PTPRM: variants seen among roughly 807,000 people sequenced by gnomAD.
The protein encoded by PTPRM is receptor-type tyrosine-protein phosphatase mu.
PTPRM carries 47 observed loss-of-function variants against 186.7 expected under a neutral mutation model. The observed-to-expected ratio is 0.25, with a 90% confidence interval of 0.20 to 0.32. The LOEUF is 0.32. Among genes scored for constraint, PTPRM ranks in the 10% least tolerant of loss-of-function variants. PTPRM has a pLI of 1.00. For missense variants in PTPRM, 1,494 were observed against 1,865.0 expected, an observed-to-expected ratio of 0.80 and a Z score of 3.66; for synonymous variants, 668 against 674.9, an observed-to-expected ratio of 0.99 and a Z score of 0.16.
intron 14 of PTPRM, among the ~76,000 whole-genome samples, chr18:8,174,696 TA>T (rs980129824): frequency 1.3e-5 from 2 of 152,050 alleles, no homozygotes; most frequent in African/African-American, 2.4e-5. Context: ...ATACTTTTTT[TA>T]AAAAAAATCT....
At chr18:8,139,790 C>G (rs1428711925) in intron 13 of PTPRM, among the ~76,000 whole-genome samples, 1 of 152,120 alleles carries the variant, frequency 6.6e-6, no homozygotes, top group Admixed American at 6.5e-5. Context: ...TGCCTTCACC[C>G]CCCAGCCCAC....
intron 1 of PTPRM, among the ~76,000 whole-genome samples, chr18:7,575,401 C>G (rs1285577418): frequency 6.6e-6 from 1 of 152,180 alleles, no homozygotes; most frequent in African/African-American, 2.4e-5. Flanking sequence ...CGAGAGCGGA[C>G]TTTCATCCGC....
At chr18:8,162,299 C>T (rs189742033) in intron 14 of PTPRM, among the ~76,000 whole-genome samples, 2 of 152,310 alleles carry the variant, frequency 1.3e-5, no homozygotes, top group Non-Finnish European at 2.9e-5. Flanking sequence ...CAGGGTTTCA[C>T]CATGTTAGCC....
intron 7 of PTPRM, among the ~76,000 whole-genome samples, chr18:7,997,639 G>A (rs1310073592): frequency 6.6e-6 from 1 of 152,012 alleles, no homozygotes; most frequent in Non-Finnish European, 1.5e-5. Flanking sequence ...GGATAAGTAG[G>A]GATTAATAGC....
intron 29 of PTPRM, among the ~76,000 whole-genome samples, chr18:8,383,417 G>C (rs912375779): frequency 6.6e-6 from 1 of 151,238 alleles, no homozygotes; most frequent in East Asian, 1.9e-4. Context: ...TTAAGGTTTC[G>C]GGGCTTTGAG....
In PTPRM at chr18:7,949,326, T is replaced by C; in HGVS notation, c.809T>C (p.Ile270Thr). The C allele has an allele frequency of 6.2e-7, 1 of 1,614,056 alleles. No homozygotes were observed. Residue 270 changes from isoleucine (I) to threonine (T), a missense_variant, in exon 6 of 33, where the codon ATA (isoleucine) becomes ACA (threonine). Physicochemically the swap from Ile to Thr is moderately conservative, Grantham distance 89. This residue lies in a region of PTPRM where 296 missense variants were observed against 345.5 expected (regional missense o/e 0.86). Transcript: ENST00000580170. ...CMIRTEGGVG[I>T]SNYAELVVKE... ...ATTCGCACTGAAGGAGGTGTTGGAA[T>C]ATCAAACTATGCAGAGTTGGTAGTT...
intron 13 of PTPRM, among the ~76,000 whole-genome samples, chr18:8,140,823 C>T (rs964626715): frequency 2.3e-4 from 35 of 151,488 alleles, no homozygotes; most frequent in African/African-American, 8.0e-4. Context: ...AAAATTTATA[C>T]GAAAAAAAGG....
At position 7,659,805 on chromosome 18, in the gene PTPRM, A is replaced by G. The variant is rs980425533; in HGVS notation, c.73+91914A>G. On this transcript the variant is annotated intron_variant, in intron 1 of 32. Coordinates refer to ENST00000580170, the MANE Select transcript of PTPRM (RefSeq NM_001105244.2). ...TGGGTTGATGGGAATCCTGGTGCCAAAAGAAATGGCCCGGTCTGTAAACTT... is the reference window on the plus strand; with the variant it reads ...TGGGTTGATGGGAATCCTGGTGCCAGAAGAAATGGCCCGGTCTGTAAACTT... Among the ~76,000 whole-genome samples the G allele has an allele frequency of 2.0e-5, 3 of 152,324 alleles. 1 individual carries two copies. The South Asian group carries it at 6.2e-4, about 32-fold the overall frequency.
At chr18:8,004,538 A>G (rs79804305) in intron 7 of PTPRM, among the ~76,000 whole-genome samples, 3,197 of 152,112 alleles carry the variant, frequency 0.021, 43 homozygotes, top group African/African-American at 0.043. Flanking sequence ...CCAAGTTAGT[A>G]TTACTTGCAG....
chr18:7,951,220 A>G (rs2052930331), intron 6 of PTPRM, among the ~76,000 whole-genome samples: 1 of 152,192 alleles, frequency 6.6e-6, no homozygotes, highest in African/African-American at 2.4e-5. Context: ...AGACATCATG[A>G]TGTACAGAAA....
intron 2 of PTPRM, among the ~76,000 whole-genome samples, chr18:7,878,326 T>G (rs2048341711): frequency 6.6e-6 from 1 of 152,246 alleles, no homozygotes; most frequent in Non-Finnish European, 1.5e-5. Context: ...GGACACCGTT[T>G]CATTTTCTCC....
intron 22 of PTPRM, among the ~76,000 whole-genome samples, chr18:8,328,378 A>G (rs1424460308): frequency 6.6e-6 from 1 of 152,208 alleles, no homozygotes; most frequent in East Asian, 1.9e-4. Context: ...TAGAATTGAA[A>G]GAACTTTTTT....
chr18:7,937,772 AATT>A (rs2146927627), intron 5 of PTPRM, among the ~76,000 whole-genome samples: 1 of 152,298 alleles, frequency 6.6e-6, no homozygotes, highest in South Asian at 2.1e-4. Flanking sequence ...AGGTAGTTAT[AATT>A]ATTGTTGTCA....
intron 6 of PTPRM, among the ~76,000 whole-genome samples, chr18:7,954,329 C>A (rs1447349302): frequency 1.3e-5 from 2 of 152,158 alleles, no homozygotes; most frequent in Admixed American, 1.3e-4. Flanking sequence ...CCTTTCTATT[C>A]ACTGCTTTAG....
At chr18:7,831,189 A>C (rs972236294) in intron 2 of PTPRM, among the ~76,000 whole-genome samples, 10 of 152,260 alleles carry the variant, frequency 6.6e-5, no homozygotes, top group African/African-American at 1.9e-4. Flanking sequence ...GCAGTTCTTA[A>C]CTAGGAGCAA....
At chr18:8,394,169 C>T (rs184216511) in intron 31 of PTPRM, among the ~76,000 whole-genome samples, 301 of 152,168 alleles carry the variant, frequency 2.0e-3, no homozygotes, top group African/African-American at 6.9e-3. Flanking sequence ...CTGGCAGAAC[C>T]TAAATAAGGT....
At chr18:8,328,145 A>G (rs2095389823) in intron 22 of PTPRM, among the ~76,000 whole-genome samples, 2 of 152,222 alleles carry the variant, frequency 1.3e-5, no homozygotes, top group Admixed American at 1.3e-4. Context: ...TTTTTCAAAA[A>G]GATAAATATG....
intron 2 of PTPRM, among the ~76,000 whole-genome samples, chr18:7,798,107 T>G (rs1330422189): frequency 6.6e-6 from 1 of 152,172 alleles, no homozygotes; most frequent in East Asian, 1.9e-4. Flanking sequence ...ATGAGTGAGC[T>G]TGTGATATGC....
intron 22 of PTPRM, among the ~76,000 whole-genome samples, chr18:8,338,309 T>TA (rs757574296): frequency 1.1e-4 from 17 of 148,562 alleles, no homozygotes; most frequent in South Asian, 8.5e-4. Flanking sequence ...GGAAAAAAAT[T>TA]AAAAAAAATG....
Sources: allele counts gnomAD v4.1 joint callset (sites outside exome capture counted in the v4.1 genomes callset), GRCh38; gene constraint gnomAD v4.1.1; regional missense constraint gnomAD v4.1.1; transcripts MANE v1.5; gene names NCBI Gene and HGNC (gene_info 2026-07-23, HGNC 2026-07-21).